The following BACC1 variants were observed in gnomAD, a reference collection of about 807,000 sequenced individuals.
BACC1 encodes BPTF-associated chromatin complex component 1.
chr17:7,015,555 G>A, the BACC1 span: 3 of 1,423,324 alleles, frequency 2.1e-6, no homozygotes, highest in Non-Finnish European at 1.8e-6. Context: ...GGTGTCTAAG[G>A]TGGAGGTGGT....
the BACC1 span, chr17:7,015,598 C>T: frequency 2.9e-6 from 4 of 1,373,568 alleles, no homozygotes; most frequent in East Asian, 2.5e-5. Flanking sequence ...CCTCCCGGTT[C>T]CCGCAGGGCC....
At chr17:7,016,875 G>A in the BACC1 span, 2 of 1,586,458 alleles carry the variant, frequency 1.3e-6, no homozygotes, top group Non-Finnish European at 1.7e-6. Flanking sequence ...AGGCTGTCAG[G>A]GGAACCTAGA....
the BACC1 span, chr17:7,017,424 C>T: frequency 1.8e-6 from 2 of 1,101,192 alleles, no homozygotes; most frequent in South Asian, 2.5e-5. Flanking sequence ...GCTGGGGCTG[C>T]CACCTCGCTA....
chr17:7,015,596 T>C, the BACC1 span: 2 of 1,383,060 alleles, frequency 1.4e-6, no homozygotes, highest in Non-Finnish European at 1.9e-6. Context: ...GTCCTCCCGG[T>C]TCCCGCAGGG....
chr17:7,015,419 CCA>C, the BACC1 span: 1 of 1,368,806 alleles, frequency 7.3e-7, no homozygotes, highest in Non-Finnish European at 9.4e-7. Flanking sequence ...CCCAACCACC[CCA>C]GTTCATGGAA....
At chr17:7,014,817 A>G in the BACC1 span, 280 of 1,525,064 alleles carry the variant, frequency 1.8e-4, 1 homozygote, top group South Asian at 6.8e-4. The surrounding 1 kb of genome is among the most constrained non-coding windows in gnomAD (Gnocchi z 4.5). Context: ...GCTCGCGTGT[A>G]GCGGCGGCGG....
the BACC1 span, chr17:7,016,298 G>T: frequency 1.7e-6 from 1 of 603,338 alleles, no homozygotes; most frequent in Non-Finnish European, 2.9e-6. Context: ...CCACTACTCA[G>T]TTCAGGGACT....
At chr17:7,015,085 C>G in the BACC1 span, 2 of 1,566,536 alleles carry the variant, frequency 1.3e-6, no homozygotes, top group Non-Finnish European at 8.6e-7. Flanking sequence ...TCTCGGCGGC[C>G]GGCGCCGCCT....
At chr17:7,016,125 G>A in the BACC1 span, 5 of 532,302 alleles carry the variant, frequency 9.4e-6, no homozygotes, top group Non-Finnish European at 1.3e-5. Flanking sequence ...ATTTGATGAT[G>A]GAAGTCCCCT....
At chr17:7,016,576 G>A in the BACC1 span, 5 of 1,614,046 alleles carry the variant, frequency 3.1e-6, no homozygotes, top group East Asian at 2.2e-5. Flanking sequence ...CCAAGAAAGG[G>A]CCCAAGAAGG....
chr17:7,015,030 G>A, the BACC1 span: 8 of 1,453,066 alleles, frequency 5.5e-6, no homozygotes, highest in Admixed American at 8.6e-5. Flanking sequence ...GAGGGCGGGC[G>A]CCGGCCCCCC....
At chr17:7,015,943 C>A in the BACC1 span, 1 of 1,369,256 alleles carries the variant, frequency 7.3e-7, no homozygotes, top group Non-Finnish European at 1.0e-6. Flanking sequence ...AAGGTTCCAT[C>A]GTCCTCAGAA....
the BACC1 span, chr17:7,015,546 G>A: frequency 1.1e-5 from 15 of 1,419,032 alleles, no homozygotes; most frequent in Admixed American, 2.0e-4. Context: ...GTGGAAAGGG[G>A]TGTCTAAGGT....
At chr17:7,016,759 C>G in the BACC1 span, 1 of 1,545,436 alleles carries the variant, frequency 6.5e-7, no homozygotes, top group Non-Finnish European at 8.8e-7. Flanking sequence ...GGGCCTGGGT[C>G]AAAGAAGGGT....
At chr17:7,016,816 G>A in the BACC1 span, 31 of 1,526,634 alleles carry the variant, frequency 2.0e-5, no homozygotes, top group South Asian at 3.4e-4. Context: ...AGGGGCAGAG[G>A]GGAGGGGAGA....
the BACC1 span, chr17:7,015,891 TGCCAGAAAAGGGCGGGTGGGCA>T: frequency 1.2e-6 from 2 of 1,610,808 alleles, no homozygotes; most frequent in African/African-American, 1.3e-5. Flanking sequence ...GGAGGGTGGC[TGCCAGAAAAGGGCGGGTGGGCA>T]GCCTTCTTCC....
chr17:7,015,978 C>A, the BACC1 span: 1 of 918,106 alleles, frequency 1.1e-6, no homozygotes. Context: ...AGCTGCTTCC[C>A]TACTTTGTCA....
the BACC1 span, chr17:7,015,171 A>C: frequency 6.4e-7 from 1 of 1,562,312 alleles, no homozygotes; most frequent in Non-Finnish European, 8.6e-7. Context: ...GTGAGCCCGG[A>C]CTGGGACGTG....
At chr17:7,016,976 G>A in the BACC1 span, 1 of 1,613,868 alleles carries the variant, frequency 6.2e-7, no homozygotes, top group African/African-American at 1.3e-5. Context: ...GAAGGGCTAG[G>A]AGAAACTCCT....
Sources: gnomAD v4.1 joint callset for allele counts on GRCh38, gnomAD v4.1.1 for gene constraint, Gnocchi (gnomAD v3.1) non-coding constraint, MANE v1.5 for transcripts, NCBI Gene and HGNC (gene_info 2026-07-23, HGNC 2026-07-21) for gene names.